ADK: variants seen among roughly 807,000 people sequenced by gnomAD.
ADK encodes the protein N6,N6-dimethyladenosine kinase.
In ADK, 24 loss-of-function variants were observed where a neutral mutation model predicts 44.7. That is an observed-to-expected ratio of 0.54 (90% CI 0.39 to 0.76). The LOEUF is 0.76. Among genes scored for constraint, ADK ranks in the 30% least tolerant of loss-of-function variants. ADK has a pLI of 0.00. For synonymous variants in ADK, 128 were observed against 142.6 expected (o/e 0.90, Z 0.73); for missense variants, 321 against 425.1 (o/e 0.76, Z 2.15).
At chr10:74,562,678 A>G (rs1257883289) in intron 7 of ADK, among the ~76,000 whole-genome samples, 3 of 152,258 alleles carry the variant, frequency 2.0e-5, no homozygotes, top group East Asian at 3.8e-4. Flanking sequence ...GCTAAATGCC[A>G]GAACATAAAT....
chr10:74,595,176 C>CA (rs781407492), intron 8 of ADK, among the ~76,000 whole-genome samples: 2,443 of 29,516 alleles, frequency 0.083, 525 homozygotes, highest in African/African-American at 0.19. Flanking sequence ...AACTCCATCT[C>CA]AAAAAAAAAA....
chr10:74,679,441 G>A (rs147724735), intron 10 of ADK, among the ~76,000 whole-genome samples: 1 of 152,080 alleles, frequency 6.6e-6, no homozygotes, highest in Non-Finnish European at 1.5e-5. Flanking sequence ...TTCTTATCTA[G>A]CAGAATTAAA....
intron 1 of ADK, among the ~76,000 whole-genome samples, chr10:74,172,272 C>G (rs1329007255): frequency 6.6e-6 from 1 of 151,804 alleles, no homozygotes; most frequent in Non-Finnish European, 1.5e-5. Flanking sequence ...CCAGGTAGCT[C>G]GGACTACAGG....
At chr10:74,700,889 A>C (rs1225225385) in intron 10 of ADK, among the ~76,000 whole-genome samples, 1 of 152,204 alleles carries the variant, frequency 6.6e-6, no homozygotes, top group Non-Finnish European at 1.5e-5. Flanking sequence ...ACTAAAACTG[A>C]AAGCAAACTG....
intron 9 of ADK, among the ~76,000 whole-genome samples, chr10:74,632,873 T>C (rs978021299): frequency 1.3e-5 from 2 of 152,222 alleles, no homozygotes; most frequent in South Asian, 4.1e-4. Context: ...ATGAGCATTT[T>C]CTTATTTCTC....
intron 9 of ADK, among the ~76,000 whole-genome samples, chr10:74,654,443 A>G (rs1854401864): frequency 6.6e-6 from 1 of 152,256 alleles, no homozygotes; most frequent in Non-Finnish European, 1.5e-5. Context: ...TTGAATTTAT[A>G]TGGCATCCTC....
chr10:74,427,937 C>G (rs531832748), intron 6 of ADK, among the ~76,000 whole-genome samples: 1 of 152,060 alleles, frequency 6.6e-6, no homozygotes, highest in Non-Finnish European at 1.5e-5. Context: ...AGCTCCAAAC[C>G]GAAGGTGTTT....
intron 3 of ADK, among the ~76,000 whole-genome samples, chr10:74,246,140 A>C (rs1845407963): frequency 6.6e-6 from 1 of 152,128 alleles, no homozygotes; most frequent in South Asian, 2.1e-4. Context: ...AGGGGTCCTT[A>C]AGACCTTGAC....
chr10:74,315,181 C>T (rs76179177), intron 4 of ADK, among the ~76,000 whole-genome samples: 9 of 152,136 alleles, frequency 5.9e-5, no homozygotes, highest in Middle Eastern at 6.8e-3. Flanking sequence ...AACTTTATGG[C>T]TTCTTCATTT....
At chr10:74,383,762 G>T (rs1454492484) in intron 4 of ADK, among the ~76,000 whole-genome samples, 1 of 85,974 alleles carries the variant, frequency 1.2e-5, no homozygotes, top group African/African-American at 3.1e-5. Flanking sequence ...ACCTTAGCAA[G>T]ACCTGTTTGT....
chr10:74,303,594 T>TTTTTTTTTG (rs1840147547), intron 3 of ADK, among the ~76,000 whole-genome samples: 5 of 130,928 alleles, frequency 3.8e-5, no homozygotes, highest in East Asian at 2.2e-4. Flanking sequence ...TGTTGTTTTT[T>TTTTTTTTTG]TTTTTTTTTT....
rs1840246851 is a variant in ADK, at chr10:74,306,314, G to T, written c.195-8353G>T. Among the ~76,000 whole-genome samples, 5 of 151,768 alleles carry T rather than the reference G, an allele frequency of 3.3e-5. No homozygotes were observed. In the South Asian group the frequency reaches 8.3e-4, roughly 25 times the overall value. On this transcript the variant is annotated intron_variant, in intron 3 of 10. Coordinates refer to ENST00000539909, the MANE Select transcript of ADK (RefSeq NM_006721.4). ...TTTTATTTTATCTTCTTTATCTTCTGTTTCTTTGCTGAGTCTTTTCACTTT... is the reference window on the plus strand; with the variant it reads ...TTTTATTTTATCTTCTTTATCTTCTTTTTCTTTGCTGAGTCTTTTCACTTT...
intron 4 of ADK, among the ~76,000 whole-genome samples, chr10:74,343,858 C>T (rs1428641580): frequency 6.6e-6 from 1 of 152,156 alleles, no homozygotes; most frequent in Non-Finnish European, 1.5e-5. Context: ...ATCCACCCGC[C>T]TTGGCCTCCC....
At chr10:74,707,118 C>T (rs897785983) in intron 10 of ADK, among the ~76,000 whole-genome samples, 33 of 152,182 alleles carry the variant, frequency 2.2e-4, no homozygotes, top group African/African-American at 5.5e-4. Context: ...TAACCACAGC[C>T]GCAACCTTCC....
intron 9 of ADK, among the ~76,000 whole-genome samples, chr10:74,630,220 A>T (rs1055891802): frequency 1.3e-5 from 2 of 152,118 alleles, no homozygotes; most frequent in Non-Finnish European, 2.9e-5. Flanking sequence ...AATAGGTAGA[A>T]TTTTTGTCAA....
chr10:74,188,982 A>G (rs1005231913), intron 1 of ADK, among the ~76,000 whole-genome samples: 1 of 152,124 alleles, frequency 6.6e-6, no homozygotes, highest in Non-Finnish European at 1.5e-5. Context: ...CATGTTGGCC[A>G]GGCTGGTCTC....
intron 8 of ADK, among the ~76,000 whole-genome samples, chr10:74,597,907 G>A (rs748863244): frequency 5.9e-5 from 9 of 152,142 alleles, no homozygotes; most frequent in Non-Finnish European, 1.0e-4. Context: ...GGTGATGTCT[G>A]TCAATTTTCT....
intron 3 of ADK, among the ~76,000 whole-genome samples, chr10:74,261,893 T>G (rs1846052602): frequency 6.6e-6 from 1 of 152,162 alleles, no homozygotes; most frequent in African/African-American, 2.4e-5. Flanking sequence ...GTCCAGAGAC[T>G]TAAATGTTCT....
At chr10:74,517,566 G>A (rs1467485944) in intron 6 of ADK, among the ~76,000 whole-genome samples, 2 of 151,886 alleles carry the variant, frequency 1.3e-5, no homozygotes, top group Admixed American at 1.3e-4. Context: ...GTGCATGCCT[G>A]TAGTCCCAGC....
Sources: allele counts gnomAD v4.1 joint callset (sites outside exome capture counted in the v4.1 genomes callset), GRCh38; gene constraint gnomAD v4.1.1; transcripts MANE v1.5; gene names NCBI Gene and HGNC (gene_info 2026-07-23, HGNC 2026-07-21).